Variants in CEP55 observed in about 807,000 individuals in gnomAD.
The protein encoded by CEP55 is centrosomal protein of 55 kDa.
CEP55 carries 57 observed loss-of-function variants against 63.2 expected under a neutral mutation model. That is an observed-to-expected ratio of 0.90 (90% confidence interval 0.73 to 1.13). The LOEUF (loss-of-function observed/expected upper bound fraction) is 1.13, where lower values mean the gene tolerates loss of function less well. CEP55 is among the 50% of genes most tolerant of loss of function. The probability of loss-of-function intolerance (pLI) is 0.00; values close to 1 mark genes in which losing one functional copy is unlikely to be tolerated. For synonymous variants in CEP55, 178 were observed against 191.6 expected, an observed-to-expected ratio of 0.93 and a Z score of 0.59; for missense variants, 456 against 518.9, an observed-to-expected ratio of 0.88 and a Z score of 1.18.
rs146700713 is a variant in CEP55 at position 93,515,516 on chromosome 10, C to G, written c.640C>G (p.His214Asp). The G allele has an allele frequency of 3.1e-6, 5 of 1,613,824 alleles. No homozygotes were observed. Among genetic ancestry groups the G allele is most frequent in the Non-Finnish European group, 4.2e-6 (5 of 1,179,862 alleles). The change falls in exon 5 of 9, where the codon CAT becomes GAT. Residue 214 changes from histidine (H) to aspartate (D), a missense_variant. His to Asp is a moderately conservative substitution (Grantham distance 81). Transcript: ENST00000371485. ...ELEKKTETAA[H>D]SLPQQTKKPE... ...GGAAAAGAAAACGGAAACAGCTGCT[C>G]ATTCACTCCCACAGCAGACAAAAAA...
intron 8 of CEP55, among the ~76,000 whole-genome samples, chr10:93,523,378 A>G (rs1362097952): frequency 2.6e-5 from 4 of 152,232 alleles, no homozygotes; most frequent in Non-Finnish European, 4.4e-5. Flanking sequence ...CAATTCAACA[A>G]CAAGAGCTAA....
At position 93,528,466 on chromosome 10, in the gene CEP55, A is replaced by G; in HGVS notation, c.*313A>G. ...AGCTCAGGTTATTGCTAATGGGTTAATGCACCAGCAAGCAAAATATTTTAT... is the reference window on the plus strand; with the variant it reads ...AGCTCAGGTTATTGCTAATGGGTTAGTGCACCAGCAAGCAAAATATTTTAT... On this transcript the variant is annotated 3_prime_UTR_variant, in exon 9 of 9. Transcript: ENST00000371485. The G allele has an allele frequency of 7.8e-6, 2 of 255,436 alleles. No homozygotes were observed. Among genetic ancestry groups the G allele is most frequent in the Non-Finnish European group, 1.5e-5 (2 of 135,776 alleles). The allele number at this position is 255,436 out of a possible 1,614,324, so 15.8% of individuals were successfully genotyped here.
At chr10:93,521,067 C>T (rs2057856072) in intron 8 of CEP55, among the ~76,000 whole-genome samples, 1 of 152,110 alleles carries the variant, frequency 6.6e-6, no homozygotes, top group Admixed American at 6.5e-5. Context: ...GCATTTCCAA[C>T]TGAGGTACTG....
rs530923273 is a variant in CEP55, at chr10:93,517,704, C to G, written c.993+456C>G. On this transcript the variant is annotated intron_variant, in intron 6 of 8. Coordinates refer to ENST00000371485, the MANE Select transcript of CEP55 (RefSeq NM_018131.5). ...CTCAAGTGAATTCACATGGCATCTT[C>G]CATGTTCTTGTTATGCTCATAGCCT... Among the ~76,000 whole-genome samples the G allele has an allele frequency of 5.9e-5, 9 of 152,316 alleles. No homozygotes were observed. The South Asian group carries it at 1.9e-3, about 32-fold the overall frequency.
At chr10:93,503,530 T>C in intron 3 of CEP55, 142 bp downstream of exon 3, 1 of 764,516 alleles carries the variant, frequency 1.3e-6, no homozygotes, top group Non-Finnish European at 2.0e-6. Flanking sequence ...GTCACTTCAC[T>C]TTTTTTAATA....
At chr10:93,498,550 A>C (rs1337634316) in intron 1 of CEP55, among the ~76,000 whole-genome samples, 1 of 152,134 alleles carries the variant, frequency 6.6e-6, no homozygotes, top group Non-Finnish European at 1.5e-5. Flanking sequence ...TCCAGGACTA[A>C]CCTTTTGATA....
chr10:93,505,897 A>G (rs538131550), intron 3 of CEP55, among the ~76,000 whole-genome samples: 2 of 151,938 alleles, frequency 1.3e-5, no homozygotes, highest in African/African-American at 4.8e-5. Flanking sequence ...AGGCTGGAGT[A>G]ATTTTTGTAT....
rs550769354 is a variant in CEP55, at chr10:93,523,802, A to G, written c.1191+3995A>G. Among the ~76,000 whole-genome samples the G allele has an allele frequency of 1.8e-4, 28 of 152,350 alleles. 1 individual carries two copies. The South Asian group carries it at 4.8e-3, about 26-fold the overall frequency. The stretch of plus-strand genomic sequence containing the variant: ...TAAGAAACTCACTCAAAACCGCTCA[A>G]CTACATGGAAACTGAACAACCTGCT... On this transcript the variant is annotated intron_variant, in intron 8 of 8. Coordinates refer to ENST00000371485, the MANE Select transcript of CEP55 (RefSeq NM_018131.5).
At chr10:93,501,661 C>A (rs2057636423) in intron 2 of CEP55, among the ~76,000 whole-genome samples, 2 of 151,472 alleles carry the variant, frequency 1.3e-5, no homozygotes, top group Admixed American at 1.3e-4. Context: ...AGCAAGACTT[C>A]TGTCTCAAAA....
At chr10:93,511,569 T>C (rs955107664) in intron 4 of CEP55, among the ~76,000 whole-genome samples, 24 of 150,892 alleles carry the variant, frequency 1.6e-4, no homozygotes, top group African/African-American at 5.9e-4. Flanking sequence ...TTGTTTCTCA[T>C]ACTTAAGTGA....
chr10:93,521,492 C>T (rs189263350), intron 8 of CEP55, among the ~76,000 whole-genome samples: 56 of 152,306 alleles, frequency 3.7e-4, no homozygotes, highest in African/African-American at 1.1e-3. Flanking sequence ...GGAGGCCTGC[C>T]TGCCTCTGTA....
At chr10:93,511,828 T>G (rs1306729271) in intron 4 of CEP55, among the ~76,000 whole-genome samples, 1 of 151,922 alleles carries the variant, frequency 6.6e-6, no homozygotes, top group Non-Finnish European at 1.5e-5. Flanking sequence ...GGTCTCGAAC[T>G]CCTGACCTTG....
intron 6 of CEP55, among the ~76,000 whole-genome samples, chr10:93,518,658 AGTCTGTGT>A (rs1204729312): frequency 6.6e-6 from 1 of 152,184 alleles, no homozygotes; most frequent in Non-Finnish European, 1.5e-5. Context: ...ATCAGCATTC[AGTCTGTGT>A]GCCTCAGGGA....
At chr10:93,519,471 T>C (rs1022924939) in intron 7 of CEP55, among the ~76,000 whole-genome samples, 1 of 152,224 alleles carries the variant, frequency 6.6e-6, no homozygotes, top group Non-Finnish European at 1.5e-5. Context: ...CATTCACCTA[T>C]ACCTCAGCGT....
chr10:93,520,119 G>T, intron 8 of CEP55: 2 of 343,638 alleles, frequency 5.8e-6, no homozygotes, highest in Non-Finnish European at 1.1e-5. Flanking sequence ...AACTGAAATT[G>T]TGTTTATCTA....
chr10:93,511,053 C>A (rs1487032671), intron 4 of CEP55, among the ~76,000 whole-genome samples: 6 of 151,740 alleles, frequency 4.0e-5, no homozygotes, highest in African/African-American at 1.5e-4. Context: ...ATTCTTCTGC[C>A]TCAGCCTCCA....
chr10:93,515,052 C>T (rs1322651275), intron 4 of CEP55, among the ~76,000 whole-genome samples: 1 of 152,144 alleles, frequency 6.6e-6, no homozygotes, highest in Non-Finnish European at 1.5e-5. Flanking sequence ...GGATTACAGG[C>T]GAGAGCCACC....
chr10:93,525,234 C>G (rs2057909489), intron 8 of CEP55, among the ~76,000 whole-genome samples: 1 of 152,138 alleles, frequency 6.6e-6, no homozygotes, highest in African/African-American at 2.4e-5. Context: ...TAAGCAACTT[C>G]AGCAAAGTCT....
chr10:93,512,886 C>G (rs1173694019), intron 4 of CEP55, among the ~76,000 whole-genome samples: 1 of 152,142 alleles, frequency 6.6e-6, no homozygotes, highest in Admixed American at 6.5e-5. Flanking sequence ...GTACTAAGTT[C>G]ACTGATTATT....
Sources: gnomAD v4.1 joint callset for allele counts (sites outside exome capture counted in the v4.1 genomes callset) on GRCh38, gnomAD v4.1.1 for gene constraint, MANE v1.5 for transcripts, NCBI Gene and HGNC (gene_info 2026-07-23, HGNC 2026-07-21) for gene names.